Variants in ATP8A1 observed in about 807,000 individuals in gnomAD.
ATP8A1 encodes the protein ATPase phospholipid transporting 8A1.
ATP8A1 carries 90 observed loss-of-function variants against 177.7 expected under a neutral mutation model. The ratio of observed to expected loss-of-function variants is 0.51; its 90% confidence interval spans 0.43 to 0.60. The LOEUF is 0.60. Among genes scored for constraint, ATP8A1 ranks in the 20% least tolerant of loss-of-function variants. The pLI is 0.00. For synonymous variants in ATP8A1, 493 were observed against 485.9 expected (o/e 1.01, Z -0.19); for missense variants, 1,072 against 1,392.8 (o/e 0.77, Z 3.67).
intron 10 of ATP8A1, among the ~76,000 whole-genome samples, 158 bp downstream of exon 10, chr4:42,581,463 G>C (rs143946893): frequency 6.6e-6 from 1 of 152,138 alleles, no homozygotes; most frequent in Non-Finnish European, 1.5e-5. Flanking sequence ...GTAATTTCAA[G>C]GTCCCACTCA....
intron 27 of ATP8A1, among the ~76,000 whole-genome samples, chr4:42,455,999 CTTGT>C (rs570072075): frequency 1.3e-5 from 2 of 152,180 alleles, no homozygotes; most frequent in African/African-American, 4.8e-5. Flanking sequence ...AAAAGTAACA[CTTGT>C]TTATTTAGGA....
intron 20 of ATP8A1, among the ~76,000 whole-genome samples, chr4:42,532,456 A>G (rs999208532): frequency 1.3e-5 from 2 of 152,078 alleles, no homozygotes; most frequent in Non-Finnish European, 2.9e-5. Flanking sequence ...ACTGTACTCC[A>G]GTCTGGGTGA....
At chr4:42,649,477 A>G (rs1227095373) in intron 1 of ATP8A1, among the ~76,000 whole-genome samples, 1 of 152,252 alleles carries the variant, frequency 6.6e-6, no homozygotes, top group Non-Finnish European at 1.5e-5. Context: ...ATAAAAGTTT[A>G]TAATCACAAT....
chr4:42,625,499 T>G (rs1275724790), intron 3 of ATP8A1, 115 bp downstream of exon 3: 1 of 592,900 alleles, frequency 1.7e-6, no homozygotes, highest in African/African-American at 1.9e-5. Flanking sequence ...GAGCCAGAAA[T>G]GTCCACCAAA....
At chr4:42,485,719 C>T (rs1722129499) in intron 24 of ATP8A1, 51 bp from the exon 25 acceptor site, 1 of 1,484,026 alleles carries the variant, frequency 6.7e-7, no homozygotes. Context: ...CCCATTTGTT[C>T]TACTAGGATG....
At chr4:42,594,297 G>C (rs775730239) in intron 6 of ATP8A1, 2 of 1,594,786 alleles carry the variant, frequency 1.3e-6, no homozygotes, top group Admixed American at 3.3e-5. Context: ...ACCTTGATGA[G>C]AGAAGTACAG....
rs774889678 is a variant in ATP8A1 at position 42,579,847 on chromosome 4, C to G, written c.966G>C (p.Arg322Ser). ...CSVGSAIWNRRHSGKDWYLNL... is the reference protein window; with the variant it reads ...CSVGSAIWNRSHSGKDWYLNL... ...TGAGATACCAGTCTTTTCCAGAATG[C>G]CTTCGATTCCAAATGGCTGAGCCCA... is the stretch of plus-strand genomic sequence containing the variant. Residue 322 changes from arginine to serine, a missense_variant, in exon 11 of 37, where the codon AGG becomes AGC. Physicochemically the swap from Arg to Ser is moderately radical, Grantham distance 110. Transcript: ENST00000381668. 7 of 1,613,548 alleles carry G rather than the reference C, an allele frequency of 4.3e-6. No homozygotes were observed. The highest frequency in any genetic ancestry group is 3.4e-6 in the Non-Finnish European group (4 of 1,179,778).
At chr4:42,579,740 G>T in intron 11 of ATP8A1, 73 bp downstream of exon 11, 1 of 1,309,940 alleles carries the variant, frequency 7.6e-7, no homozygotes, top group Non-Finnish European at 1.1e-6. Flanking sequence ...ACGAAATAAA[G>T]TAAATCAAGA....
Position 42,574,496 on chromosome 4 carries a change from C to T in ATP8A1, c.1295+123G>A, listed in dbSNP as rs114417747. 1,924 of 726,776 alleles carry T rather than the reference C, an allele frequency of 2.6e-3. 22 individuals are homozygous for T. The African/African-American group carries it at 0.032, about 12-fold the overall frequency. The allele number at this position is 726,776 out of a possible 1,614,324, so 45.0% of individuals were successfully genotyped here. On this transcript the variant is annotated intron_variant, in intron 14 of 36. Transcript: ENST00000381668. ...ATGTGTCCTAAAATTATAACAGCTG[C>T]TTTTCAGACTAAAAAAAACCAAACA...
rs1716874158 is a variant in ATP8A1, at chr4:42,443,595, G to T, written c.3093C>A (p.Ala1031=). The T allele has an allele frequency of 1.3e-6, 2 of 1,491,254 alleles. No individual in the cohort carries two copies. The highest frequency in any genetic ancestry group is 1.9e-6 in the Non-Finnish European group (2 of 1,067,864). 92.4% of individuals were successfully genotyped at this position (1,491,254 alleles called of 1,614,324 possible). A position where few individuals can be genotyped will look rare whatever the true frequency, so the allele number is the denominator to read the frequency against. ...CTGACATATCAGGGGCCATCGGAAT[G>T]GCAGGCCACAGAGATGAGTAGATTC... ...FFGIYSSLWP[A]IPMAPDMSGE... is the part of the protein sequence containing the mutation. Residue 1031 remains alanine, a synonymous_variant, in exon 33 of 37, where the codon GCC becomes GCA. Transcript: ENST00000381668.
At chr4:42,455,944 A>G (rs938777158) in intron 27 of ATP8A1, among the ~76,000 whole-genome samples, 2 of 152,148 alleles carry the variant, frequency 1.3e-5, no homozygotes, top group Non-Finnish European at 2.9e-5. Flanking sequence ...TTCCCTTTTA[A>G]AATATCAGGA....
At chr4:42,448,384 C>T (rs1004060751) in intron 30 of ATP8A1, among the ~76,000 whole-genome samples, 14 of 94,708 alleles carry the variant, frequency 1.5e-4, no homozygotes, top group African/African-American at 5.1e-4. Flanking sequence ...GCCTCCCTCC[C>T]TCCTTCTCTT....
rs564534977 is a variant in ATP8A1 at position 42,508,880 on chromosome 4, C to T, written c.1948-1726G>A. On this transcript the variant is annotated intron_variant, in intron 22 of 36. Transcript: ENST00000381668. ...TGATAACAAAGAAAGCCATTTTCTA[C>T]TTTTCCTTATTGTTCACCAAAATTG... Among the ~76,000 whole-genome samples, 7 of 152,306 alleles carry T rather than the reference C, an allele frequency of 4.6e-5. No individual in the cohort carries two copies. The East Asian group carries it at 7.7e-4, about 17-fold the overall frequency.
intron 24 of ATP8A1, among the ~76,000 whole-genome samples, chr4:42,491,054 G>C (rs1043166665): frequency 1.3e-5 from 2 of 151,840 alleles, no homozygotes; most frequent in African/African-American, 4.8e-5. Context: ...TAAAACTCCT[G>C]TATACTCTTA....
intron 14 of ATP8A1, among the ~76,000 whole-genome samples, chr4:42,573,042 A>G (rs1299157804): frequency 6.6e-6 from 1 of 152,228 alleles, no homozygotes; most frequent in African/African-American, 2.4e-5. Context: ...ACTGCTCTTT[A>G]GAACTACTGC....
Position 42,464,913 on chromosome 4 carries a change from A to C in ATP8A1, c.2488T>G (p.Ser830Ala). Residue 830 changes from serine to alanine, a missense_variant, in exon 26 of 37, where the codon TCT becomes GCT. Ser to Ala is a moderately conservative substitution (Grantham distance 99). Coordinates refer to ENST00000381668, the MANE Select transcript of ATP8A1 (RefSeq NM_006095.2). ...TTTACCTGAGCTATGGAGTAGTCAG[A>C]GGAATTAGCTGCCTGCAGGCCTTCA... ...GNEGLQAANS[S>A]DYSIAQFKYL... The C allele has an allele frequency of 6.2e-7, 1 of 1,614,234 alleles. No individual in the cohort carries two copies. Among genetic ancestry groups the C allele is most frequent in the Non-Finnish European group, 8.5e-7 (1 of 1,180,028 alleles).
chr4:42,522,290 G>A lies in ATP8A1; in HGVS notation c.1817C>T (p.Thr606Ile). The A allele has an allele frequency of 6.2e-7, 1 of 1,613,356 alleles. No homozygotes were observed. Among genetic ancestry groups the A allele is most frequent in the Non-Finnish European group, 8.5e-7 (1 of 1,179,776 alleles). The part of the protein sequence containing the change: ...LEQFATEGLR[T>I]LCFAVAEISE... ...AATCTCAGCCACAGCAAAACATAAA[G>A]TTCTTAACCCTGAAAAAGATAGCAT... Residue 606 changes from threonine to isoleucine, a missense_variant, in exon 22 of 37, where the codon ACT becomes ATT. Physicochemically the swap from Thr to Ile is moderately conservative, Grantham distance 89. This residue lies in a region of ATP8A1 where 388 missense variants were observed against 471.7 expected (regional missense o/e 0.82). Transcript: ENST00000381668.
intron 33 of ATP8A1, among the ~76,000 whole-genome samples, chr4:42,434,557 C>T (rs1715696414): frequency 6.6e-6 from 1 of 152,218 alleles, no homozygotes; most frequent in South Asian, 2.1e-4. Flanking sequence ...GCCCTTCATT[C>T]TATCAAATCT....
At chr4:42,463,874 G>C (rs1463556774) in intron 27 of ATP8A1, among the ~76,000 whole-genome samples, 2 of 152,156 alleles carry the variant, frequency 1.3e-5, no homozygotes, top group Non-Finnish European at 2.9e-5. Flanking sequence ...ATGCTTGTAT[G>C]TAACAAAGAT....
Sources: allele counts gnomAD v4.1 joint callset (sites outside exome capture counted in the v4.1 genomes callset), GRCh38; gene constraint gnomAD v4.1.1; regional missense constraint gnomAD v4.1.1; transcripts MANE v1.5; gene names NCBI Gene and HGNC (gene_info 2026-07-23, HGNC 2026-07-21).